Variants in OPCML observed in about 807,000 individuals in gnomAD.
OPCML encodes the protein opioid-binding protein/cell adhesion molecule.
A neutral mutation model predicts 37.8 loss-of-function variants in OPCML; 13 were observed. That is an observed-to-expected ratio of 0.34 (90% CI 0.22 to 0.55). The LOEUF (loss-of-function observed/expected upper bound fraction) is 0.55. Among genes scored for constraint, OPCML ranks in the 20% least tolerant of loss-of-function variants. OPCML has a pLI of 0.91. For missense variants in OPCML, 341 were observed against 435.6 expected (o/e 0.78, Z 1.93); for synonymous variants, 176 against 168.8 (o/e 1.04, Z -0.33).
At chr11:133,198,620 G>A (rs1938633088) in intron 1 of OPCML, among the ~76,000 whole-genome samples, 1 of 152,180 alleles carries the variant, frequency 6.6e-6, no homozygotes, top group Non-Finnish European at 1.5e-5. Context: ...GTGGAGAGGT[G>A]GACTCACATC....
At chr11:133,356,686 C>T (rs1944298744) in intron 1 of OPCML, among the ~76,000 whole-genome samples, 1 of 152,190 alleles carries the variant, frequency 6.6e-6, no homozygotes, top group South Asian at 2.1e-4. Context: ...CTCTAAATAG[C>T]TTTAATTAAA....
chr11:132,644,409 G>A (rs1010396727), intron 3 of OPCML, among the ~76,000 whole-genome samples: 2 of 151,972 alleles, frequency 1.3e-5, no homozygotes, highest in Non-Finnish European at 2.9e-5. Context: ...GCTTACCTGC[G>A]GATTTTAGGT....
At chr11:133,213,669 AT>A (rs1399702190) in intron 1 of OPCML, among the ~76,000 whole-genome samples, 1 of 152,194 alleles carries the variant, frequency 6.6e-6, no homozygotes, top group Non-Finnish European at 1.5e-5. Context: ...AAGTTACAAC[AT>A]TGCAGTTGCT....
intron 3 of OPCML, among the ~76,000 whole-genome samples, chr11:132,647,180 T>A (rs1472203050): frequency 2.0e-5 from 3 of 152,134 alleles, no homozygotes. Context: ...AGAAGCTGAG[T>A]GGAGAATTCC....
At chr11:132,758,948 C>T (rs541119775) in intron 2 of OPCML, among the ~76,000 whole-genome samples, 10 of 151,910 alleles carry the variant, frequency 6.6e-5, no homozygotes, top group African/African-American at 1.4e-4. Flanking sequence ...TGTCATAAAC[C>T]GCTTTTATTA....
At chr11:132,490,485 A>G (rs1204650305) in intron 4 of OPCML, among the ~76,000 whole-genome samples, 3 of 151,988 alleles carry the variant, frequency 2.0e-5, no homozygotes, top group Non-Finnish European at 2.9e-5. Context: ...ACTGGGTGTC[A>G]GAGCCTTAAA....
chr11:132,834,725 A>T (rs1362034251), intron 2 of OPCML, among the ~76,000 whole-genome samples: 1 of 152,132 alleles, frequency 6.6e-6, no homozygotes, highest in Non-Finnish European at 1.5e-5. Flanking sequence ...TGATGACCTC[A>T]TTTTAACTCG....
intron 2 of OPCML, among the ~76,000 whole-genome samples, chr11:132,668,690 G>C (rs148301684): frequency 2.0e-5 from 3 of 152,272 alleles, no homozygotes; most frequent in Admixed American, 6.5e-5. Flanking sequence ...CAGTTCTGAT[G>C]CCTTCTCCTT....
intron 1 of OPCML, among the ~76,000 whole-genome samples, chr11:133,204,870 A>ATATATATATATATATATATATGTG (rs1938969945): frequency 9.4e-4 from 10 of 10,674 alleles, no homozygotes; most frequent in Non-Finnish European, 1.7e-3. Flanking sequence ...ATATATGTGT[A>ATATATATATATATATATATATGTG]TATATATATA....
chr11:132,584,954 T>C (rs1008060890), intron 3 of OPCML, among the ~76,000 whole-genome samples: 7 of 152,316 alleles, frequency 4.6e-5, no homozygotes, highest in African/African-American at 1.4e-4. Context: ...ATTTGAACAG[T>C]TGGCTGCCTA....
intron 3 of OPCML, among the ~76,000 whole-genome samples, chr11:132,581,354 A>T (rs1469226311): frequency 6.6e-6 from 1 of 152,218 alleles, no homozygotes; most frequent in East Asian, 1.9e-4. Flanking sequence ...CTTTTAGTCC[A>T]ACTGAATGCA....
chr11:133,328,785 C>T (rs188643362), intron 1 of OPCML, among the ~76,000 whole-genome samples: 2,409 of 152,238 alleles, frequency 0.016, 39 homozygotes, highest in Non-Finnish European at 0.023. Context: ...GACAGGGATG[C>T]CCTCTCTCAC....
intron 2 of OPCML, among the ~76,000 whole-genome samples, chr11:132,852,095 G>A (rs117592778): frequency 1.3e-5 from 2 of 152,272 alleles, no homozygotes; most frequent in East Asian, 1.9e-4. Context: ...CCAGAGACGG[G>A]CAGTCGAGGC....
At chr11:133,469,486 G>T (rs977449409) in intron 1 of OPCML, among the ~76,000 whole-genome samples, 3 of 152,168 alleles carry the variant, frequency 2.0e-5, no homozygotes, top group Non-Finnish European at 4.4e-5. Context: ...TCATACAAAA[G>T]CTTCTTAGCT....
At chr11:133,429,509 A>T (rs950050008) in intron 1 of OPCML, among the ~76,000 whole-genome samples, 1 of 152,232 alleles carries the variant, frequency 6.6e-6, no homozygotes, top group Non-Finnish European at 1.5e-5. Context: ...TTCTTTGTTA[A>T]AAATAGGCTG....
intron 2 of OPCML, among the ~76,000 whole-genome samples, chr11:132,912,128 A>G (rs1457259231): frequency 6.6e-6 from 1 of 151,084 alleles, no homozygotes; most frequent in African/African-American, 2.5e-5. Flanking sequence ...TCTGACATAT[A>G]AAAGAAATAA....
rs762118807 is a variant in OPCML at position 132,529,071 on chromosome 11, C to T, written c.495G>A (p.Leu165=). 9.3e-6 allele frequency: 15 copies of T among 1,611,858 alleles called. No individual in the cohort carries two copies. In the East Asian group the frequency reaches 3.1e-4, roughly 34 times the overall value. ...AGGTCAGCACCTTACCCTTGACTGA[C>T]AGGTGTCTCCATGTCACAGTTGGCT... The part of the protein sequence containing the change: ...RPEPTVTWRH[L]SVKEGQGFVS... Residue 165 remains leucine (L), a synonymous_variant, in exon 4 of 8, where the codon CTG becomes CTA. Coordinates refer to ENST00000524381, the MANE Select transcript of OPCML (RefSeq NM_001012393.5).
At chr11:132,761,018 G>T (rs1029754495) in intron 2 of OPCML, among the ~76,000 whole-genome samples, 17 of 152,062 alleles carry the variant, frequency 1.1e-4, no homozygotes, top group Non-Finnish European at 2.4e-4. Context: ...CCTAGCATTT[G>T]CTTGTCTGTA....
chr11:133,224,801 C>T (rs1939974924), intron 1 of OPCML, among the ~76,000 whole-genome samples: 1 of 152,222 alleles, frequency 6.6e-6, no homozygotes, highest in South Asian at 2.1e-4. Flanking sequence ...CAGTAATTAA[C>T]TTTTGATTTA....
Sources: gnomAD v4.1 joint callset for allele counts (sites outside exome capture counted in the v4.1 genomes callset) on GRCh38, gnomAD v4.1.1 for gene constraint, MANE v1.5 for transcripts, NCBI Gene and HGNC (gene_info 2026-07-23, HGNC 2026-07-21) for gene names.